Variants in CNOT3 observed in about 807,000 individuals in gnomAD.
CNOT3 encodes CCR4-associated factor 3.
Under a neutral mutation model 89.4 loss-of-function variants are expected in CNOT3, and 2 were observed. The observed-to-expected ratio is 0.02, with a 90% CI of 0.01 to 0.07. The LOEUF (loss-of-function observed/expected upper bound fraction) is 0.07, where lower values mean the gene tolerates loss of function less well. CNOT3 is among the 10% of genes least tolerant of loss of function. The probability of loss-of-function intolerance (pLI) is 1.00; values close to 1 mark genes in which losing one functional copy is unlikely to be tolerated. For synonymous variants in CNOT3, 486 were observed against 402.0 expected (o/e 1.21, Z -2.50); for missense variants, 664 against 1,010.2 (o/e 0.66, Z 4.65).
rs587609214 is a variant in CNOT3, at chr19:54,140,359, A to G, written c.-51+2366A>G. ...CCCAGATTCCTCAGTGCTCTTGGAG[A>G]GCCTTTGCTGCTGGAGCACAGGTTC... On this transcript the variant is annotated intron_variant, in intron 1 of 17. Transcript: ENST00000221232. Among the ~76,000 whole-genome samples the G allele has an allele frequency of 2.0e-5, 3 of 151,222 alleles. No individual in the cohort carries two copies. The South Asian group carries it at 6.3e-4, about 32-fold the overall frequency.
Position 54,148,735 on chromosome 19 carries a change from C to G in CNOT3, c.1398C>G (p.Pro466=). ...GPPSGPHNPP[P]STSKEPSAAA... ...CTTCCGGCCCCCACAACCCACCTCCCAGCACCTCGTGAGTGTCTCGGCCAT... is the reference window on the plus strand; with the variant it reads ...CTTCCGGCCCCCACAACCCACCTCCGAGCACCTCGTGAGTGTCTCGGCCAT... The change falls in exon 12 of 18, where the codon CCC becomes CCG. Residue 466 remains proline (P), a synonymous_variant. Transcript: ENST00000221232. The surrounding 1 kb of genome is among the most constrained non-coding windows in gnomAD (Gnocchi z 6.3). 6.2e-7 allele frequency: 1 copy of G among 1,611,682 alleles called. No homozygotes were observed. Among genetic ancestry groups the G allele is most frequent in the Non-Finnish European group, 8.5e-7 (1 of 1,179,362 alleles).
Position 54,152,954 on chromosome 19 carries a change from G to A in CNOT3, c.1992G>A (p.Gln664=). The change falls in exon 16 of 18, where the codon CAG becomes CAA. Residue 664 remains glutamine, a synonymous_variant. Transcript: ENST00000221232. ...ACTCGGACACTGTGGAATTCTACCA[G>A]CGCCTGTCGACCGAGACACTCTTCT... The part of the protein sequence containing the change: ...PPHSDTVEFY[Q]RLSTETLFFI... 1 of 1,609,236 alleles carries A rather than the reference G, an allele frequency of 6.2e-7. No individual in the cohort carries two copies. Among genetic ancestry groups the A allele is most frequent in the South Asian group, 1.1e-5 (1 of 90,770 alleles).
Position 54,148,099 on chromosome 19 carries a change from G to T in CNOT3, c.895-49G>T. 1 of 1,366,918 alleles carries T rather than the reference G, an allele frequency of 7.3e-7. No homozygotes were observed. The highest frequency in any genetic ancestry group is 9.5e-7 in the Non-Finnish European group (1 of 1,048,416). The allele number at this position is 1,366,918 out of a possible 1,614,324, so 84.7% of individuals were successfully genotyped here. On this transcript the variant is annotated intron_variant, in intron 10 of 17. Coordinates refer to ENST00000221232, the MANE Select transcript of CNOT3 (RefSeq NM_014516.4). The surrounding 1 kb of genome is among the most constrained non-coding windows in gnomAD (Gnocchi z 6.3). Reference sequence around the variant, plus strand: ...AGCCTGAGGTGGGGGTGGTGAGGGAGACCAGCTGGCCCACTGGGTCCTGAC... The same window carrying T: ...AGCCTGAGGTGGGGGTGGTGAGGGATACCAGCTGGCCCACTGGGTCCTGAC...
At chr19:54,152,794 C>T in intron 15 of CNOT3, 73 bp from the exon 16 acceptor site, 7 of 848,764 alleles carry the variant, frequency 8.2e-6, no homozygotes, top group Non-Finnish European at 1.4e-5. Flanking sequence ...CGCAGGGATG[C>T]ATGTCTGAGC....
intron 17 of CNOT3, chr19:54,154,393 C>A (rs562213372): frequency 1.8e-5 from 4 of 225,610 alleles, no homozygotes; most frequent in Middle Eastern, 1.8e-3. Flanking sequence ...GCAAGTCACT[C>A]GAACCTCTGT....
In CNOT3 at chr19:54,145,149, T is replaced by G. The variant is rs1306631282; in HGVS notation, c.484-449T>G. ...GGGTTGGGGGCCTAGTGATGACAGA[T>G]ATCACAATTCTAAACAGCAAGCTCC... is the stretch of plus-strand genomic sequence containing the variant. On this transcript the variant is annotated intron_variant, in intron 7 of 17. Transcript: ENST00000221232. This position sits in a 1 kb window ranked among gnomAD's most constrained non-coding sequence, Gnocchi z 5.9. Among the ~76,000 whole-genome samples, 3 of 152,050 alleles carry G rather than the reference T, an allele frequency of 2.0e-5. No individual in the cohort carries two copies. The highest frequency in any genetic ancestry group is 6.5e-5 in the Admixed American group (1 of 15,268).
At chr19:54,154,001 G>T in intron 17 of CNOT3, 161 bp downstream of exon 17, 1 of 888,440 alleles carries the variant, frequency 1.1e-6, no homozygotes. Flanking sequence ...TGCTCAGCCT[G>T]GAACACCGCC....
rs2075178381 is a variant in CNOT3 at position 54,152,542 on chromosome 19, T to G, written c.1820T>G (p.Leu607Arg). 1.2e-6 allele frequency: 2 copies of G among 1,614,088 alleles called. No individual in the cohort carries two copies. The highest frequency in any genetic ancestry group is 1.7e-6 in the Non-Finnish European group (2 of 1,179,998). Reference sequence around the variant, plus strand: ...GTCTGTCCACTGGGCCCTGTGCCCCTCACCAAGGAGCAGCTCTATCAGCAG... The same window carrying G: ...GTCTGTCCACTGGGCCCTGTGCCCCGCACCAAGGAGCAGCTCTATCAGCAG... ...LGVCPLGPVPLTKEQLYQQAM... is the reference protein window; with the variant it reads ...LGVCPLGPVPRTKEQLYQQAM... Residue 607 changes from leucine (L) to arginine (R), a missense_variant, in exon 15 of 18, where the codon CTC (leucine) becomes CGC (arginine). Physicochemically the swap from Leu to Arg is moderately radical, Grantham distance 102 (BLOSUM62 -2). Transcript: ENST00000221232.
chr19:54,143,342 T>G lies in CNOT3; in HGVS notation c.94-100T>G, dbSNP rs1460209468. ...TCTAAGATGGATTGGGGGTAGGGGT[T>G]GGGGGGGGTCCTCGAGTCCCTAGCA... On this transcript the variant is annotated intron_variant, in intron 3 of 17. Transcript: ENST00000221232. The G allele has an allele frequency of 6.1e-4, 577 of 947,332 alleles. No individual in the cohort carries two copies. Among genetic ancestry groups the G allele is most frequent in the Admixed American group, 6.7e-4 (36 of 53,592 alleles). 58.7% of individuals were successfully genotyped at this position (947,332 alleles called of 1,614,324 possible).
chr19:54,143,596 AAGG>A, intron 4 of CNOT3, 61 bp from the exon 5 acceptor site: 1 of 1,603,608 alleles, frequency 6.2e-7, no homozygotes, highest in South Asian at 1.1e-5. Context: ...TCCCAGGGAG[AAGG>A]AGCTGTGGGC....
intron 13 of CNOT3, among the ~76,000 whole-genome samples, chr19:54,151,155 A>G (rs1463319024): frequency 1.3e-5 from 2 of 151,482 alleles, no homozygotes; most frequent in Admixed American, 6.6e-5. Context: ...AAAGGGAAAC[A>G]GCAGCTTTGA....
chr19:54,139,834 T>C (rs1033823917), intron 1 of CNOT3, among the ~76,000 whole-genome samples: 1 of 151,798 alleles, frequency 6.6e-6, no homozygotes, highest in Non-Finnish European at 1.5e-5. Flanking sequence ...GGTGGGAGAT[T>C]CCAGCCCCCC....
intron 17 of CNOT3, chr19:54,155,019 G>A (rs569379762): frequency 3.7e-5 from 18 of 487,156 alleles, no homozygotes; most frequent in East Asian, 1.1e-4. Flanking sequence ...CACAGCCCTC[G>A]AGGAAACGAA....
rs587756651 is a variant in CNOT3, at chr19:54,144,572, G to A, written c.483+240G>A. On this transcript the variant is annotated intron_variant, in intron 7 of 17. Coordinates refer to ENST00000221232, the MANE Select transcript of CNOT3 (RefSeq NM_014516.4). This position sits in a 1 kb window ranked among gnomAD's most constrained non-coding sequence, Gnocchi z 4.8. ...TCCCCTGGGTGTCTGGGTAGACCGT[G>A]GGGCCTTTGTGAAGAGGAGCGACTT... 1.3e-5 allele frequency among the ~76,000 whole-genome samples: 2 copies of A among 152,308 alleles called. No homozygotes were observed. The highest frequency in any genetic ancestry group is 4.1e-4 in the South Asian group (2 of 4,828).
chr19:54,152,633 G>T lies in CNOT3; in HGVS notation c.1904+7G>T, dbSNP rs866243311. On this transcript the variant is annotated splice_region_variant and intron_variant, in intron 15 of 17. Coordinates refer to ENST00000221232, the MANE Select transcript of CNOT3 (RefSeq NM_014516.4). ...CTGACTCTGAGCGTATTCGGTGAGGGGCCACAGGGAAGGGGGATGGTCTGG... is the reference window on the plus strand; with the variant it reads ...CTGACTCTGAGCGTATTCGGTGAGGTGCCACAGGGAAGGGGGATGGTCTGG... 1 of 1,605,874 alleles carries T rather than the reference G, an allele frequency of 6.2e-7. No individual in the cohort carries two copies. Among genetic ancestry groups the T allele is most frequent in the East Asian group, 2.2e-5 (1 of 44,828 alleles).
intron 9 of CNOT3, among the ~76,000 whole-genome samples, chr19:54,146,382 A>G (rs1474203384): frequency 9.2e-5 from 14 of 152,146 alleles, no homozygotes; most frequent in African/African-American, 3.1e-4. Context: ...CAGATCCTTA[A>G]GAGGCTGGTG....
chr19:54,154,529 A>AT (rs571067525), intron 17 of CNOT3: 200 of 159,234 alleles, frequency 1.3e-3, no homozygotes, highest in South Asian at 5.0e-3. Flanking sequence ...AGTGTCATGG[A>AT]TTTTTTTTTT....
intron 9 of CNOT3, among the ~76,000 whole-genome samples, chr19:54,146,291 C>T (rs867651495): frequency 6.6e-6 from 1 of 152,180 alleles, no homozygotes; most frequent in South Asian, 2.1e-4. Context: ...GGGCCGGTGC[C>T]TGGGCTGCCT....
In CNOT3 at chr19:54,143,436, C is replaced by A; in HGVS notation, c.94-6C>A. 2 of 1,613,836 alleles carry A rather than the reference C, an allele frequency of 1.2e-6. No homozygotes were observed. The highest frequency in any genetic ancestry group is 1.7e-4 in the Middle Eastern group (1 of 6,044). ...CACTGACTTCTCAATTCTCTCCATC[C>A]CTCAGCTCCACAATGCAGCCAACGC... On this transcript the variant is annotated splice_region_variant and splice_polypyrimidine_tract_variant and intron_variant, in intron 3 of 17. Transcript: ENST00000221232.
Sources: gnomAD v4.1 joint callset for allele counts (sites outside exome capture counted in the v4.1 genomes callset) on GRCh38, gnomAD v4.1.1 for gene constraint, Gnocchi (gnomAD v3.1) non-coding constraint, MANE v1.5 for transcripts, NCBI Gene and HGNC (gene_info 2026-07-23, HGNC 2026-07-21) for gene names.